Variants in DLGAP4 observed in about 807,000 individuals in gnomAD.
DLGAP4 encodes the protein disks large-associated protein 4.
DLGAP4 carries 18 observed loss-of-function variants against 86.9 expected under a neutral mutation model. That is an observed-to-expected ratio of 0.21 (90% confidence interval 0.14 to 0.31). The LOEUF (loss-of-function observed/expected upper bound fraction) is 0.31, where lower values mean the gene tolerates loss of function less well. DLGAP4 is among the 10% of genes least tolerant of loss of function. DLGAP4 has a pLI of 1.00. For missense variants in DLGAP4, 1,085 were observed against 1,362.6 expected (o/e 0.80, Z 3.21); for synonymous variants, 548 against 574.3 (o/e 0.95, Z 0.65).
chr20:36,317,261 T>TTC (rs2065112876), intron 1 of DLGAP4, among the ~76,000 whole-genome samples: 10 of 54,908 alleles, frequency 1.8e-4, no homozygotes, highest in African/African-American at 1.2e-3. Flanking sequence ...CTTTCTTTCT[T>TTC]TCTTTCTTTC....
In DLGAP4 at chr20:36,306,378, C is replaced by T. The variant is rs2065002437; in HGVS notation, c.-438C>T. 6.7e-6 allele frequency: 1 copy of T among 149,792 alleles called. No homozygotes were observed. The highest frequency in any genetic ancestry group is 6.7e-5 in the Admixed American group (1 of 15,022). 9.3% of individuals were successfully genotyped at this position (149,792 alleles called of 1,614,324 possible). A position where few individuals can be genotyped will look rare whatever the true frequency, so the allele number is the denominator to read the frequency against. Reference sequence around the variant, plus strand: ...GGCGCCGCGCCGGCCGGAGGAGAGGCATGGGGCGCCCGCGGGCCGGAGCCG... The same window carrying T: ...GGCGCCGCGCCGGCCGGAGGAGAGGTATGGGGCGCCCGCGGGCCGGAGCCG... On this transcript the variant is annotated 5_prime_UTR_variant, in exon 1 of 13. Coordinates refer to ENST00000339266, the MANE Select transcript of DLGAP4 (RefSeq NM_001365621.2). The surrounding 1 kb of genome is among the most constrained non-coding windows in gnomAD (Gnocchi z 4.9).
intron 1 of DLGAP4, among the ~76,000 whole-genome samples, chr20:36,328,543 A>G (rs1256232897): frequency 4.6e-5 from 7 of 151,688 alleles, no homozygotes; most frequent in African/African-American, 1.5e-4. Flanking sequence ...CCCAGACTCT[A>G]TCAGGAGGGG....
At chr20:36,495,057 A>G (rs2035831382) in intron 7 of DLGAP4, among the ~76,000 whole-genome samples, 1 of 129,780 alleles carries the variant, frequency 7.7e-6, no homozygotes, top group East Asian at 2.3e-4. Context: ...CAGTGGCGTA[A>G]TCTTGGCTCA....
At chr20:36,465,152 T>TC (rs2034286510) in intron 7 of DLGAP4, 8 of 151,756 alleles carry the variant, frequency 5.3e-5, no homozygotes, top group Non-Finnish European at 1.2e-4. Context: ...GACAGCCCAG[T>TC]TCCCCCCCCA....
At chr20:36,514,454 A>T (rs2147827685) in intron 10 of DLGAP4, among the ~76,000 whole-genome samples, 1 of 152,270 alleles carries the variant, frequency 6.6e-6, no homozygotes, top group Admixed American at 6.5e-5. Context: ...TTTGTCACCC[A>T]GGCTGAAGTG....
Position 36,487,596 on chromosome 20 carries a change from C to G in DLGAP4, c.1649-9109C>G, listed in dbSNP as rs147466120. Among the ~76,000 whole-genome samples the G allele has an allele frequency of 4.9e-3, 753 of 152,274 alleles. 5 individuals are homozygous for G. Among genetic ancestry groups the G allele is most frequent in the African/African-American group, 0.018 (729 of 41,550 alleles). On this transcript the variant is annotated intron_variant, in intron 7 of 12. Coordinates refer to ENST00000339266, the MANE Select transcript of DLGAP4 (RefSeq NM_001365621.2). ...CCCACTCAGCATCTGTCCTCCCATG[C>G]CTTGGACTGTCCCGCCCTGCTCCTT... is the stretch of plus-strand genomic sequence containing the variant.
At chr20:36,486,101 A>C (rs930707600) in intron 7 of DLGAP4, among the ~76,000 whole-genome samples, 1 of 152,162 alleles carries the variant, frequency 6.6e-6, no homozygotes, top group Non-Finnish European at 1.5e-5. Flanking sequence ...CTGTTTACCC[A>C]GTTGTCAAAT....
chr20:36,337,233 G>A (rs1555892172), intron 1 of DLGAP4, among the ~76,000 whole-genome samples: 2 of 152,176 alleles, frequency 1.3e-5, no homozygotes, highest in Non-Finnish European at 2.9e-5. Flanking sequence ...TCAGCCCTGA[G>A]GGCAAAGCCA....
rs373871163 is a variant in DLGAP4 at position 36,496,935 on chromosome 20, G to A, written c.1879G>A (p.Ala627Thr). ...RPPSVTRGGV[A>T]PAPEAPEPPP... is the part of the protein sequence containing the mutation. Reference sequence around the variant, plus strand: ...GCCCAGCGTGACACGGGGTGGAGTCGCCCCAGCCCCTGAGGCCCCAGAGCC... The same window carrying A: ...GCCCAGCGTGACACGGGGTGGAGTCACCCCAGCCCCTGAGGCCCCAGAGCC... Residue 627 changes from alanine (A) to threonine (T), a missense_variant, in exon 8 of 13, where the codon GCC (alanine) becomes ACC (threonine). Physicochemically the swap from Ala to Thr is moderately conservative, Grantham distance 58 (BLOSUM62 0). Transcript: ENST00000339266. 3.4e-5 allele frequency: 55 copies of A among 1,614,128 alleles called. No homozygotes were observed. The highest frequency in any genetic ancestry group is 1.6e-4 in the Middle Eastern group (1 of 6,062).
intron 2 of DLGAP4, among the ~76,000 whole-genome samples, chr20:36,371,170 A>G (rs1009350887): frequency 2.0e-5 from 3 of 152,226 alleles, no homozygotes; most frequent in Admixed American, 2.0e-4. Flanking sequence ...AGATGCTCCA[A>G]GCAGCACATG....
intron 10 of DLGAP4, among the ~76,000 whole-genome samples, chr20:36,506,032 T>G (rs2036350354): frequency 6.6e-6 from 1 of 152,190 alleles, no homozygotes. Flanking sequence ...AATATAAAAC[T>G]ATTGCAATAT....
intron 7 of DLGAP4, among the ~76,000 whole-genome samples, chr20:36,459,602 T>A (rs1003400386): frequency 1.3e-4 from 20 of 152,134 alleles, no homozygotes; most frequent in Non-Finnish European, 2.8e-4. Flanking sequence ...GGTCTTTTTT[T>A]AATTAATTAA....
intron 10 of DLGAP4, among the ~76,000 whole-genome samples, chr20:36,514,995 GAGC>G (rs1456744303): frequency 2.0e-5 from 3 of 152,104 alleles, no homozygotes; most frequent in African/African-American, 7.2e-5. Flanking sequence ...CGTCTCTGGA[GAGC>G]AGATTTGAAA....
chr20:36,474,390 A>C (rs1049916796), intron 7 of DLGAP4, among the ~76,000 whole-genome samples: 1 of 152,198 alleles, frequency 6.6e-6, no homozygotes, highest in Non-Finnish European at 1.5e-5. Context: ...TGGAGAATCT[A>C]TCCAGGGCTG....
At position 36,496,996 on chromosome 20, in the gene DLGAP4, G is replaced by A. The variant is rs1180176514; in HGVS notation, c.1940G>A (p.Gly647Glu). 6.2e-7 allele frequency: 1 copy of A among 1,614,028 alleles called. No homozygotes were observed. The highest frequency in any genetic ancestry group is 8.5e-7 in the Non-Finnish European group (1 of 1,180,020). ...CATGCAGCTCTGAAAAGTGAACAAGGGACGCTGACCAGCTCTGAGTCCCAC... is the reference window on the plus strand; with the variant it reads ...CATGCAGCTCTGAAAAGTGAACAAGAGACGCTGACCAGCTCTGAGTCCCAC... ...PKHAALKSEQ[G>E]TLTSSESHPE... is the part of the protein sequence containing the mutation. Residue 647 changes from glycine to glutamate, a missense_variant, in exon 8 of 13, where the codon GGG (glycine) becomes GAG (glutamate). Around this residue, in one of 2 missense-constraint regions of DLGAP4, gnomAD observed 1,082 missense variants for 1,344.1 expected, o/e 0.81. Coordinates refer to ENST00000339266, the MANE Select transcript of DLGAP4 (RefSeq NM_001365621.2).
At chr20:36,507,712 AAAC>A (rs1375303499) in intron 10 of DLGAP4, 1 of 152,232 alleles carries the variant, frequency 6.6e-6, no homozygotes, top group African/African-American at 2.4e-5. Context: ...TAATGGCACA[AAAC>A]AACCATTTTA....
chr20:36,421,624 T>A (rs2032831224), intron 2 of DLGAP4, among the ~76,000 whole-genome samples: 1 of 151,830 alleles, frequency 6.6e-6, no homozygotes. Flanking sequence ...GGAGACTTGT[T>A]TTTACAGTTT....
chr20:36,431,697 C>A lies in DLGAP4; in HGVS notation c.-21C>A. The A allele has an allele frequency of 6.4e-7, 1 of 1,565,246 alleles. No individual in the cohort carries two copies. Among genetic ancestry groups the A allele is most frequent in the Non-Finnish European group, 8.7e-7 (1 of 1,153,274 alleles). ...CCGGGCGCCCTGCTAGGGTGAAGGC[C>A]CCTGCCCTCGGCCCGGGATCATGAA... is the stretch of plus-strand genomic sequence containing the variant. On this transcript the variant is annotated 5_prime_UTR_variant, in exon 3 of 13. Transcript: ENST00000339266. The surrounding 1 kb of genome is among the most constrained non-coding windows in gnomAD (Gnocchi z 5.1).
chr20:36,461,627 GC>G (rs1315049930), intron 7 of DLGAP4: 3 of 934,380 alleles, frequency 3.2e-6, no homozygotes, highest in Non-Finnish European at 3.8e-6. Flanking sequence ...GCCGCCCGGA[GC>G]AGCCGCGGCC....
Sources: gnomAD v4.1 joint callset for allele counts (sites outside exome capture counted in the v4.1 genomes callset) on GRCh38, gnomAD v4.1.1 for gene constraint, gnomAD v4.1.1 regional missense constraint, Gnocchi (gnomAD v3.1) non-coding constraint, MANE v1.5 for transcripts, NCBI Gene and HGNC (gene_info 2026-07-23, HGNC 2026-07-21) for gene names.